Variants in C1orf185 observed in about 807,000 individuals in gnomAD.
C1orf185 encodes the protein uncharacterized protein C1orf185.
A neutral mutation model predicts 16.1 loss-of-function variants in C1orf185; 13 were observed. That is an observed-to-expected ratio of 0.81 (90% CI 0.53 to 1.28). The LOEUF is 1.28. C1orf185 is among the 50% of genes most tolerant of loss of function. The pLI is 0.00. For missense variants in C1orf185, 220 were observed against 225.2 expected (o/e 0.98, Z 0.15); for synonymous variants, 80 against 76.9 (o/e 1.04, Z -0.21).
chr1:51,121,397 C>T (rs1266320717), intron 3 of C1orf185, among the ~76,000 whole-genome samples: 1 of 152,206 alleles, frequency 6.6e-6, no homozygotes, highest in Middle Eastern at 3.4e-3. Flanking sequence ...GTTTCTTTCA[C>T]TTAATATAAT....
intron 3 of C1orf185, among the ~76,000 whole-genome samples, chr1:51,132,968 A>G (rs1180177062): frequency 1.3e-5 from 2 of 152,226 alleles, no homozygotes; most frequent in African/African-American, 4.8e-5. Flanking sequence ...ATTAACCTTC[A>G]TAAACAAAGG....
intron 1 of C1orf185, among the ~76,000 whole-genome samples, chr1:51,108,508 A>G (rs116141300): frequency 3.2e-4 from 48 of 152,302 alleles, no homozygotes; most frequent in African/African-American, 1.1e-3. Context: ...CTGCTCTGCC[A>G]TCAAACATTA....
intron 3 of C1orf185, among the ~76,000 whole-genome samples, chr1:51,119,947 A>G (rs749924761): frequency 1.3e-5 from 2 of 152,214 alleles, no homozygotes; most frequent in Non-Finnish European, 2.9e-5. Flanking sequence ...GTACAACATC[A>G]TATGATAAGA....
chr1:51,129,987 T>A (rs570236147), intron 3 of C1orf185, among the ~76,000 whole-genome samples: 1 of 152,340 alleles, frequency 6.6e-6, no homozygotes, highest in Admixed American at 6.5e-5. Flanking sequence ...CCCTCCAAGT[T>A]GCTGCATCAA....
At chr1:51,150,550 C>T (rs1321903801), downstream of C1orf185, among the ~76,000 whole-genome samples, 1 of 152,142 alleles carries the variant, frequency 6.6e-6, no homozygotes, top group African/African-American at 2.4e-5. Flanking sequence ...TAAAATCTTA[C>T]TCCATATCAT....
chr1:51,115,653 T>C (rs1208117261), intron 2 of C1orf185, among the ~76,000 whole-genome samples: 1 of 152,224 alleles, frequency 6.6e-6, no homozygotes. Context: ...ACACTCTCAC[T>C]AGCAATGTAT....
At chr1:51,148,844 T>C (rs936852042), downstream of C1orf185, among the ~76,000 whole-genome samples, 11 of 152,162 alleles carry the variant, frequency 7.2e-5, no homozygotes, top group Non-Finnish European at 1.2e-4. Flanking sequence ...GGAGGATCAT[T>C]TGAGCCCTGA....
intron 3 of C1orf185, among the ~76,000 whole-genome samples, chr1:51,133,765 G>A (rs1055179070): frequency 6.6e-6 from 1 of 152,178 alleles, no homozygotes; most frequent in Non-Finnish European, 1.5e-5. Context: ...TCTTCTCATT[G>A]CCACATGGCA....
intron 3 of C1orf185, among the ~76,000 whole-genome samples, chr1:51,135,697 A>T (rs1557651392): frequency 6.6e-6 from 1 of 152,208 alleles, no homozygotes; most frequent in Admixed American, 6.5e-5. Flanking sequence ...CATACCCAAC[A>T]TCATACTGAA....
At chr1:51,148,966 T>C (rs1646417368), downstream of C1orf185, among the ~76,000 whole-genome samples, 1 of 152,122 alleles carries the variant, frequency 6.6e-6, no homozygotes, top group African/African-American at 2.4e-5. Flanking sequence ...TCATTTTCCT[T>C]TCCTATCTCT....
intron 1 of C1orf185, among the ~76,000 whole-genome samples, chr1:51,109,813 G>C (rs1219265314): frequency 1.3e-5 from 2 of 152,122 alleles, no homozygotes; most frequent in Non-Finnish European, 2.9e-5. Context: ...ATATTTTGAA[G>C]TCAGATAGTG....
At chr1:51,141,344 A>T (rs564279069) in intron 3 of C1orf185, among the ~76,000 whole-genome samples, 10 of 152,308 alleles carry the variant, frequency 6.6e-5, no homozygotes, top group African/African-American at 1.9e-4. Context: ...AAAAAAAATT[A>T]GCTGAGTGTG....
intron 3 of C1orf185, chr1:51,129,880 G>A (rs1046951545): frequency 1.3e-5 from 2 of 152,032 alleles, no homozygotes; most frequent in Admixed American, 1.3e-4. Flanking sequence ...CTTCCCAAAG[G>A]CTCCACCTCC....
At chr1:51,106,754 T>G (rs1646074958) in intron 1 of C1orf185, among the ~76,000 whole-genome samples, 1 of 149,766 alleles carries the variant, frequency 6.7e-6, no homozygotes, top group East Asian at 1.9e-4. Context: ...AAGCTTCAGA[T>G]CTGTAATTTT....
At chr1:51,118,926 C>A in intron 3 of C1orf185, 125 bp downstream of exon 3, 2 of 743,078 alleles carry the variant, frequency 2.7e-6, no homozygotes, top group Non-Finnish European at 1.9e-6. Context: ...GAGGGACAAA[C>A]TAGTTAGAGT....
Position 51,145,761 on chromosome 1 carries a change from G to T in C1orf185, c.295+1G>T, listed in dbSNP as rs1310666586. On this transcript the variant is annotated splice_donor_variant, in intron 4 of 4. Transcript: ENST00000371759. LOFTEE classifies it high-confidence loss of function. ...AAAAAGGAAGCAGCACATATAAAAG[G>T]TATTTTTTCTCAATAATTTATTAGA... The T allele has an allele frequency of 7.7e-7, 1 of 1,296,766 alleles. No individual in the cohort carries two copies. Among genetic ancestry groups the T allele is most frequent in the Non-Finnish European group, 1.0e-6 (1 of 956,726 alleles). 80.3% of individuals were successfully genotyped at this position (1,296,766 alleles called of 1,614,324 possible).
intron 3 of C1orf185, among the ~76,000 whole-genome samples, chr1:51,125,239 A>G (rs1426232862): frequency 6.6e-6 from 1 of 152,216 alleles, no homozygotes; most frequent in East Asian, 1.9e-4. Context: ...ATGCCCACCC[A>G]CAGCATCACA....
At chr1:51,151,714 A>G (rs992441428), downstream of C1orf185, among the ~76,000 whole-genome samples, 1 of 151,816 alleles carries the variant, frequency 6.6e-6, no homozygotes, top group East Asian at 1.9e-4. Context: ...TTTGAGACAG[A>G]GTCTTGCTCT....
intron 1 of C1orf185, among the ~76,000 whole-genome samples, chr1:51,102,933 T>G (rs1646042338): frequency 6.6e-6 from 1 of 152,178 alleles, no homozygotes; most frequent in South Asian, 2.1e-4. Context: ...TATTATCTAG[T>G]CCTGTGTATT....
Sources: allele counts gnomAD v4.1 joint callset (sites outside exome capture counted in the v4.1 genomes callset), GRCh38; gene constraint gnomAD v4.1.1; transcripts MANE v1.5; gene names NCBI Gene and HGNC (gene_info 2026-07-23, HGNC 2026-07-21).